FANK1: variants seen among roughly 807,000 people sequenced by gnomAD.
The protein encoded by FANK1 is fibronectin type 3 and ankyrin repeat domains protein 1.
Under a neutral mutation model 45.3 loss-of-function variants are expected in FANK1, and 44 were observed. The observed-to-expected ratio is 0.97, with a 90% CI of 0.76 to 1.25. The LOEUF (loss-of-function observed/expected upper bound fraction) is 1.25, where lower values mean the gene tolerates loss of function less well. FANK1 is among the 50% of genes most tolerant of loss of function. The pLI is 0.00. For missense variants in FANK1, 391 were observed against 424.4 expected (o/e 0.92, Z 0.69); for synonymous variants, 149 against 152.5 (o/e 0.98, Z 0.17).
chr10:125,952,325 A>T (rs1312206015), intron 1 of FANK1, among the ~76,000 whole-genome samples: 1 of 152,048 alleles, frequency 6.6e-6, no homozygotes, highest in Admixed American at 6.6e-5. Flanking sequence ...AAATTGTAAA[A>T]CTTTGGTGTT....
intron 1 of FANK1, among the ~76,000 whole-genome samples, chr10:125,975,953 T>A (rs569120401): frequency 1.3e-5 from 2 of 152,322 alleles, no homozygotes; most frequent in South Asian, 2.1e-4. Context: ...TATTTTTGTA[T>A]CAGCTGGTAG....
chr10:126,004,734 T>G, intron 6 of FANK1, 150 bp from the exon 7 acceptor site: 2 of 686,078 alleles, frequency 2.9e-6, no homozygotes, highest in South Asian at 3.8e-5. Flanking sequence ...GTACATCAGT[T>G]GATGGATACG....
chr10:125,903,122 G>T (rs1945186947), intron 1 of FANK1, among the ~76,000 whole-genome samples: 1 of 152,312 alleles, frequency 6.6e-6, no homozygotes, highest in Non-Finnish European at 1.5e-5. Flanking sequence ...CACCAAACAT[G>T]GTCTCCAGAT....
chr10:125,958,929 A>G (rs1222374033), intron 1 of FANK1, among the ~76,000 whole-genome samples: 1 of 152,212 alleles, frequency 6.6e-6, no homozygotes, highest in Non-Finnish European at 1.5e-5. Flanking sequence ...AGCTCTTTAA[A>G]GATTATTGCA....
chr10:125,994,484 T>C (rs1952169535), intron 3 of FANK1: 2 of 985,324 alleles, frequency 2.0e-6, no homozygotes, highest in Non-Finnish European at 2.4e-6. Context: ...AGTTGGAGTA[T>C]GTAAGAAGTG....
intron 1 of FANK1, among the ~76,000 whole-genome samples, chr10:125,926,260 G>A (rs1425467827): frequency 6.6e-6 from 1 of 152,136 alleles, no homozygotes. Context: ...TCTCCCAATG[G>A]TAACATCTTG....
intron 1 of FANK1, among the ~76,000 whole-genome samples, chr10:125,962,987 GT>G (rs66624013): frequency 0.35 from 49,618 of 140,534 alleles, 8,449 homozygotes; most frequent in South Asian, 0.41. Flanking sequence ...TATTACTGTG[GT>G]TTTTTTTTTT....
intron 1 of FANK1, among the ~76,000 whole-genome samples, chr10:125,930,324 A>G (rs886914526): frequency 8.7e-5 from 13 of 150,224 alleles, no homozygotes; most frequent in African/African-American, 3.2e-4. Flanking sequence ...GTGAGTCACC[A>G]CGCCTGGCCT....
chr10:125,948,051 G>GT (rs1482791788), intron 1 of FANK1, among the ~76,000 whole-genome samples: 13 of 149,750 alleles, frequency 8.7e-5, no homozygotes, highest in Non-Finnish European at 1.9e-4. Flanking sequence ...AAATAAAGAT[G>GT]TTCTTTGAAA....
At chr10:125,937,751 A>C (rs1032723644) in intron 1 of FANK1, among the ~76,000 whole-genome samples, 12 of 152,182 alleles carry the variant, frequency 7.9e-5, no homozygotes, top group African/African-American at 2.9e-4. Flanking sequence ...TAGGTTTTGC[A>C]AAAAATAAGC....
At chr10:125,994,554 T>C (rs1020607789) in intron 3 of FANK1, 31 of 985,446 alleles carry the variant, frequency 3.1e-5, no homozygotes, top group Non-Finnish European at 3.7e-5. Flanking sequence ...CAACAGGTTG[T>C]GTGCTGGGTA....
Position 126,008,415 on chromosome 10 carries a change from C to A in FANK1, c.714C>A (p.Val238=). ...WMIKDGCEVD[V]VDTGSGWTPL... ...TTTCTCTGGCCCAACAGGTAGACGTCGTGGACACTGGTTCAGGATGGACCC... is the reference window on the plus strand; with the variant it reads ...TTTCTCTGGCCCAACAGGTAGACGTAGTGGACACTGGTTCAGGATGGACCC... The change falls in exon 8 of 11, where the codon GTC becomes GTA. Residue 238 remains valine, a synonymous_variant. Transcript: ENST00000368693. 1.2e-6 allele frequency: 2 copies of A among 1,602,750 alleles called. No homozygotes were observed. Among genetic ancestry groups the A allele is most frequent in the South Asian group, 1.1e-5 (1 of 88,974 alleles).
chr10:125,921,537 G>A (rs1946945342), intron 1 of FANK1, among the ~76,000 whole-genome samples: 2 of 152,118 alleles, frequency 1.3e-5, no homozygotes, highest in African/African-American at 2.4e-5. Flanking sequence ...AATGACTAAG[G>A]GTGTAGGATT....
At chr10:125,936,981 C>T (rs931127555) in intron 1 of FANK1, among the ~76,000 whole-genome samples, 3 of 152,010 alleles carry the variant, frequency 2.0e-5, no homozygotes, top group African/African-American at 7.3e-5. Flanking sequence ...GCAGGATAAT[C>T]GCTTGAACCC....
intron 1 of FANK1, among the ~76,000 whole-genome samples, chr10:125,937,760 G>A (rs1053120607): frequency 6.6e-6 from 1 of 152,046 alleles, no homozygotes; most frequent in Non-Finnish European, 1.5e-5. Flanking sequence ...CAAAAAATAA[G>A]CAAAAGGATA....
intron 2 of FANK1, 76 bp from the exon 3 acceptor site, chr10:125,988,475 G>C: frequency 6.5e-7 from 1 of 1,548,560 alleles, no homozygotes. Context: ...ACTTCCACCT[G>C]CTCTTCTGCT....
intron 2 of FANK1, among the ~76,000 whole-genome samples, chr10:125,986,592 C>T (rs1191321062): frequency 6.6e-6 from 1 of 152,168 alleles, no homozygotes; most frequent in Non-Finnish European, 1.5e-5. Flanking sequence ...CCATGACTTT[C>T]CCAGGTGTTG....
At chr10:125,997,514 G>A in intron 6 of FANK1, 29 bp downstream of exon 6, 2 of 1,600,810 alleles carry the variant, frequency 1.2e-6, no homozygotes, top group Non-Finnish European at 1.7e-6. Flanking sequence ...CTGAAATTGT[G>A]CTGATGTTCT....
In FANK1 at chr10:125,965,298, C is replaced by T. The variant is rs539676907; in HGVS notation, c.14-14863C>T. Reference sequence around the variant, plus strand: ...TGCTTGGTCATATTCTTCAGTAGCACATTTTTCTTAAGAGTGAATATAAGC... The same window carrying T: ...TGCTTGGTCATATTCTTCAGTAGCATATTTTTCTTAAGAGTGAATATAAGC... On this transcript the variant is annotated intron_variant, in intron 1 of 10. Transcript: ENST00000368693. 7.0e-4 allele frequency among the ~76,000 whole-genome samples: 106 copies of T among 152,298 alleles called. 1 individual carries two copies. In the South Asian group the frequency reaches 0.021, roughly 30 times the overall value.
Sources: allele counts gnomAD v4.1 joint callset (sites outside exome capture counted in the v4.1 genomes callset), GRCh38; gene constraint gnomAD v4.1.1; transcripts MANE v1.5; gene names NCBI Gene and HGNC (gene_info 2026-07-23, HGNC 2026-07-21).